The following ENGASE variants were observed in gnomAD, a reference collection of about 807,000 sequenced individuals.
ENGASE encodes the protein cytosolic endo-beta-N-acetylglucosaminidase.
ENGASE carries 69 observed loss-of-function variants against 78.5 expected under a neutral mutation model. That is an observed-to-expected ratio of 0.88 (90% CI 0.72 to 1.07). The LOEUF is 1.07. Among genes scored for constraint, ENGASE ranks in the 50% least tolerant of loss-of-function variants. ENGASE has a pLI of 0.00. For synonymous variants in ENGASE, 408 were observed against 408.9 expected (o/e 1.00, Z 0.03); for missense variants, 943 against 988.4 (o/e 0.95, Z 0.62).
rs763427054 is a variant in ENGASE, at chr17:79,083,741, T to C, written c.1252-20T>C. 1 of 1,600,664 alleles carries C rather than the reference T, an allele frequency of 6.2e-7. No homozygotes were observed. Among genetic ancestry groups the C allele is most frequent in the South Asian group, 1.1e-5 (1 of 89,600 alleles). The stretch of plus-strand genomic sequence containing the variant: ...TCTGTTGGCCTCTGCTGAGTGCCCC[T>C]GTTCTGCCCTTTTCTTCAGGAAGAG... On this transcript the variant is annotated intron_variant, in intron 9 of 13. Transcript: ENST00000579016. This position sits in a 1 kb window ranked among gnomAD's most constrained non-coding sequence, Gnocchi z 4.9.
Position 79,087,319 on chromosome 17 carries a change from C to T in ENGASE, c.*970C>T, listed in dbSNP as rs1303279663. ...TCCTCCCTTCTCAGCCTCGTCCAAGCACCGGGAAGACCTCCAGGCTGACCC... is the reference window on the plus strand; with the variant it reads ...TCCTCCCTTCTCAGCCTCGTCCAAGTACCGGGAAGACCTCCAGGCTGACCC... On this transcript the variant is annotated 3_prime_UTR_variant, in exon 14 of 14. Transcript: ENST00000579016. 2 of 329,186 alleles carry T rather than the reference C, an allele frequency of 6.1e-6. No individual in the cohort carries two copies. The highest frequency in any genetic ancestry group is 1.2e-5 in the Non-Finnish European group (2 of 164,196). The allele number at this position is 329,186 out of a possible 1,614,324, so 20.4% of individuals were successfully genotyped here.
rs1381066017 is a variant in ENGASE, at chr17:79,085,991, C to T, written c.1874C>T (p.Ser625Phe). The change falls in exon 14 of 14, where the codon TCT becomes TTT. Residue 625 changes from serine (S) to phenylalanine (F), a missense_variant. Ser to Phe is a radical substitution (Grantham distance 155). Transcript: ENST00000579016. ...PLPQVQAVTI[S>F]HIRWQPSASE... Reference sequence around the variant, plus strand: ...CCCCAGGTGCAGGCCGTCACCATCTCTCACATCCGCTGGCAGCCATCCGCC... The same window carrying T: ...CCCCAGGTGCAGGCCGTCACCATCTTTCACATCCGCTGGCAGCCATCCGCC... The T allele has an allele frequency of 6.2e-7, 1 of 1,610,138 alleles. No individual in the cohort carries two copies. Among genetic ancestry groups the T allele is most frequent in the Admixed American group, 1.7e-5 (1 of 60,024 alleles).
At chr17:79,081,126 T>A in intron 6 of ENGASE, 53 bp downstream of exon 6, 2 of 690,762 alleles carry the variant, frequency 2.9e-6, no homozygotes, top group Non-Finnish European at 2.2e-6. Flanking sequence ...TGGGGGCGGG[T>A]ACTGTGAGGG....
chr17:79,075,170 G>C, intron 1 of ENGASE, 80 bp downstream of exon 1: 5 of 1,187,460 alleles, frequency 4.2e-6, no homozygotes, highest in Non-Finnish European at 5.2e-6. Context: ...TTCCCGGCAC[G>C]GGCGCGCCGA....
In ENGASE at chr17:79,080,959, G is replaced by A. The variant is rs372888109; in HGVS notation, c.758G>A (p.Arg253Gln). ...GTGGGGAACATGCCTCCTTTCCTGC[G>A]GTACCTCACCACACAGCTGCACCGG... The part of the protein sequence containing the change: ...AAVGNMPPFL[R>Q]YLTTQLHRQV... The change falls in exon 6 of 14, where the codon CGG becomes CAG. Residue 253 changes from arginine to glutamine, a missense_variant. Coordinates refer to ENST00000579016, the MANE Select transcript of ENGASE (RefSeq NM_001042573.3). The A allele has an allele frequency of 7.3e-5, 118 of 1,613,296 alleles. No individual in the cohort carries two copies. The highest frequency in any genetic ancestry group is 1.7e-4 in the Middle Eastern group (1 of 5,800).
intron 10 of ENGASE, 149 bp downstream of exon 10, chr17:79,084,100 T>A: frequency 1.5e-6 from 1 of 671,504 alleles, no homozygotes; most frequent in Non-Finnish European, 2.5e-6. Context: ...AAAAATGCAT[T>A]AACGTGAAAT....
At position 79,074,846 on chromosome 17, in the gene ENGASE, C is replaced by T; in HGVS notation, c.-99C>T. ...GCCGGGAGTCAGCTCGGAGTCCCGT[C>T]CCAGCGCGGCGTCAGCGCTGCGCAC... is the stretch of plus-strand genomic sequence containing the variant. On this transcript the variant is annotated 5_prime_UTR_variant, in exon 1 of 14. Coordinates refer to ENST00000579016, the MANE Select transcript of ENGASE (RefSeq NM_001042573.3). 1 of 1,205,150 alleles carries T rather than the reference C, an allele frequency of 8.3e-7. No homozygotes were observed. Among genetic ancestry groups the T allele is most frequent in the Non-Finnish European group, 1.0e-6 (1 of 969,806 alleles). 74.7% of individuals were successfully genotyped at this position (1,205,150 alleles called of 1,614,324 possible). A position where few individuals can be genotyped will look rare whatever the true frequency, so the allele number is the denominator to read the frequency against.
In ENGASE at chr17:79,086,498, C is replaced by G. The variant is rs1568096451; in HGVS notation, c.*149C>G. On this transcript the variant is annotated 3_prime_UTR_variant, in exon 14 of 14. Coordinates refer to ENST00000579016, the MANE Select transcript of ENGASE (RefSeq NM_001042573.3). ...GGGGTGGGAGACCCCGGGCTGAGTG[C>G]TGTGGCTTTCTGGTGGGGGGCGATG... 2.2e-6 allele frequency: 2 copies of G among 924,452 alleles called. No homozygotes were observed. The highest frequency in any genetic ancestry group is 1.6e-6 in the Non-Finnish European group (1 of 635,078). The allele number at this position is 924,452 out of a possible 1,614,324, so 57.3% of individuals were successfully genotyped here.
At position 79,087,029 on chromosome 17, in the gene ENGASE, C is replaced by T. The variant is rs752935547; in HGVS notation, c.*680C>T. On this transcript the variant is annotated 3_prime_UTR_variant, in exon 14 of 14. Transcript: ENST00000579016. Reference sequence around the variant, plus strand: ...GTGCTGCTGAGTGTGAGGTCATCTCCGGAGCGTTTTCAGCAGCCCCTGGCT... The same window carrying T: ...GTGCTGCTGAGTGTGAGGTCATCTCTGGAGCGTTTTCAGCAGCCCCTGGCT... 34 of 496,482 alleles carry T rather than the reference C, an allele frequency of 6.8e-5. No homozygotes were observed. The highest frequency in any genetic ancestry group is 1.3e-4 in the South Asian group (9 of 67,654). The allele number at this position is 496,482 out of a possible 1,614,324, so 30.8% of individuals were successfully genotyped here.
At position 79,083,202 on chromosome 17, in the gene ENGASE, G is replaced by A; in HGVS notation, c.1142+79G>A. The A allele has an allele frequency of 9.4e-7, 1 of 1,063,124 alleles. No individual in the cohort carries two copies. Among genetic ancestry groups the A allele is most frequent in the Non-Finnish European group, 1.4e-6 (1 of 706,662 alleles). The allele number at this position is 1,063,124 out of a possible 1,614,324, so 65.9% of individuals were successfully genotyped here. Reference sequence around the variant, plus strand: ...CTGGTGTCTCTGATAGGACACGTTTGTGCTCTTTAGTGACCCTTCCTATGG... The same window carrying A: ...CTGGTGTCTCTGATAGGACACGTTTATGCTCTTTAGTGACCCTTCCTATGG... On this transcript the variant is annotated intron_variant, in intron 8 of 13. Coordinates refer to ENST00000579016, the MANE Select transcript of ENGASE (RefSeq NM_001042573.3). This position sits in a 1 kb window ranked among gnomAD's most constrained non-coding sequence, Gnocchi z 4.9.
chr17:79,086,191 G>A lies in ENGASE; in HGVS notation c.2074G>A (p.Ala692Thr), dbSNP rs776148275. ...EMPMFLGLAF[A>T]TQYRIVDLLV... ...GCCCATGTTCCTGGGGTTGGCTTTT[G>A]CCACCCAGTACCGGATAGTGGACCT... The change falls in exon 14 of 14, where the codon GCC becomes ACC. Residue 692 changes from alanine to threonine, a missense_variant. Ala to Thr is a moderately conservative substitution (Grantham distance 58). Transcript: ENST00000579016. The A allele has an allele frequency of 4.1e-5, 66 of 1,613,552 alleles. No individual in the cohort carries two copies. In the Admixed American group the frequency reaches 1.1e-3, roughly 26 times the overall value.
chr17:79,079,607 A>G lies in ENGASE; in HGVS notation c.535A>G (p.Thr179Ala), dbSNP rs756639142. The change falls in exon 4 of 14, where the codon ACT (threonine) becomes GCT (alanine). Residue 179 changes from threonine to alanine, a missense_variant. Coordinates refer to ENST00000579016, the MANE Select transcript of ENGASE (RefSeq NM_001042573.3). The stretch of plus-strand genomic sequence containing the variant: ...CATTCCCCCAGTGGGCTGGACCAAC[A>G]CTGCCCACAGGCATGGGGTCTGCGT... ...VTIPPVGWTN[T>A]AHRHGVCVLG... The G allele has an allele frequency of 6.2e-7, 1 of 1,613,830 alleles. No homozygotes were observed. Among genetic ancestry groups the G allele is most frequent in the Non-Finnish European group, 8.5e-7 (1 of 1,179,960 alleles).
intron 7 of ENGASE, chr17:79,082,549 G>T: frequency 8.2e-7 from 1 of 1,222,298 alleles, no homozygotes; most frequent in Non-Finnish European, 1.0e-6. Context: ...AAGGAGCGGG[G>T]CCAGGCCGGT....
At chr17:79,085,835 A>G in intron 13 of ENGASE, 98 bp from the exon 14 acceptor site, 1 of 1,593,528 alleles carries the variant, frequency 6.3e-7, no homozygotes, top group Non-Finnish European at 8.5e-7. Flanking sequence ...TTCAGCGGGG[A>G]ACTGGGGTGG....
At chr17:79,081,749 T>TGTGGGGTGGGGTGGGGTGGGGTGGG (rs55950748) in intron 6 of ENGASE, 149 bp from the exon 7 acceptor site, 14 of 636,900 alleles carry the variant, frequency 2.2e-5, no homozygotes, top group African/African-American at 1.6e-4. Flanking sequence ...GCTGAGGCTG[T>TGTGGGGTGGGGTGGGGTGGGGTGGG]GTGGGGTGGG....
chr17:79,075,206 C>T, intron 1 of ENGASE, 116 bp downstream of exon 1: 1 of 1,133,236 alleles, frequency 8.8e-7, no homozygotes, highest in Non-Finnish European at 1.1e-6. Context: ...CGCCTGTGTC[C>T]GCTCCGTGCA....
chr17:79,085,718 G>C lies in ENGASE; in HGVS notation c.1799G>C (p.Arg600Pro), dbSNP rs757051271. The stretch of plus-strand genomic sequence containing the variant: ...CGGGAGGAGGAGAGCTTCACCTGTC[G>C]GCTTGGAGAGATCCAGGTGATGCTT... ...GSREEESFTCRLGEIQVVDAA... is the reference protein window; with the variant it reads ...GSREEESFTCPLGEIQVVDAA... The change falls in exon 13 of 14, where the codon CGG (arginine) becomes CCG (proline). Residue 600 changes from arginine to proline, a missense_variant. Arg to Pro is a moderately radical substitution (Grantham distance 103, BLOSUM62 -2). Coordinates refer to ENST00000579016, the MANE Select transcript of ENGASE (RefSeq NM_001042573.3). 1.9e-6 allele frequency: 3 copies of C among 1,613,714 alleles called. No individual in the cohort carries two copies. The highest frequency in any genetic ancestry group is 2.2e-5 in the South Asian group (2 of 91,044).
At chr17:79,084,232 GC>G (rs1206791256) in intron 10 of ENGASE, 3 of 524,940 alleles carry the variant, frequency 5.7e-6, no homozygotes, top group Admixed American at 7.8e-5. Context: ...TTGCACATTA[GC>G]CCCCCATCCT....
intron 10 of ENGASE, chr17:79,084,255 C>A: frequency 2.0e-6 from 1 of 509,678 alleles, no homozygotes; most frequent in Non-Finnish European, 3.4e-6. Flanking sequence ...CCCCAGCCCC[C>A]CAAAGCCACC....
Sources: allele counts gnomAD v4.1 joint callset, GRCh38; gene constraint gnomAD v4.1.1; non-coding constraint Gnocchi (gnomAD v3.1); transcripts MANE v1.5; gene names NCBI Gene and HGNC (gene_info 2026-07-23, HGNC 2026-07-21).